Variants in CSNK2A2IP observed in about 807,000 individuals in gnomAD.
CSNK2A2IP encodes casein kinase 2 subunit alpha' interacting protein.
the CSNK2A2IP span, among the ~76,000 whole-genome samples, chr3:88,446,082 CTT>C: frequency 2.0e-5 from 2 of 98,984 alleles, no homozygotes; most frequent in Non-Finnish European, 4.4e-5. Flanking sequence ...TTCTTTCTTT[CTT>C]TCTTTCTTTC....
chr3:88,403,189 T>C, the CSNK2A2IP span, among the ~76,000 whole-genome samples: 1 of 152,102 alleles, frequency 6.6e-6, no homozygotes, highest in South Asian at 2.1e-4. Context: ...GGCCATCATT[T>C]TGGTGATCCA....
the CSNK2A2IP span, among the ~76,000 whole-genome samples, chr3:88,405,710 G>A: frequency 3.3e-5 from 5 of 152,168 alleles, no homozygotes; most frequent in East Asian, 3.9e-4. Context: ...TGAGCATGTC[G>A]TATATTTCCT....
At chr3:88,339,404 A>G in the CSNK2A2IP span, among the ~76,000 whole-genome samples, 1 of 152,086 alleles carries the variant, frequency 6.6e-6, no homozygotes, top group Non-Finnish European at 1.5e-5. Context: ...ATAACATTCC[A>G]TTGTGTATAT....
chr3:88,467,056 A>T, the CSNK2A2IP span: 1 of 972,922 alleles, frequency 1.0e-6, no homozygotes, highest in East Asian at 3.3e-5. Context: ...TGAACGGGAT[A>T]TCCAGGGACT....
the CSNK2A2IP span, among the ~76,000 whole-genome samples, chr3:88,446,030 T>TTTTCTCTTTC: frequency 2.9e-3 from 169 of 58,172 alleles, 9 homozygotes; most frequent in Middle Eastern, 7.9e-3. Flanking sequence ...TCTTTGTTTC[T>TTTTCTCTTTC]TTTCTTTCTT....
chr3:88,446,102 T>C, the CSNK2A2IP span, among the ~76,000 whole-genome samples: 2,791 of 115,900 alleles, frequency 0.024, 32 homozygotes, highest in Middle Eastern at 0.032. Flanking sequence ...TTCTTTCTTT[T>C]TTTCTTTCTT....
the CSNK2A2IP span, among the ~76,000 whole-genome samples, chr3:88,379,413 A>G: frequency 1.3e-5 from 2 of 152,102 alleles, no homozygotes; most frequent in African/African-American, 2.4e-5. Context: ...TATTTTCTAC[A>G]GGCATTCTCT....
chr3:88,439,085 A>G, the CSNK2A2IP span, among the ~76,000 whole-genome samples: 7 of 152,150 alleles, frequency 4.6e-5, no homozygotes, highest in African/African-American at 1.7e-4. Context: ...GAGATATGAC[A>G]TCTTTTCCAT....
the CSNK2A2IP span, among the ~76,000 whole-genome samples, chr3:88,444,486 A>G: frequency 6.6e-6 from 1 of 152,220 alleles, no homozygotes; most frequent in Non-Finnish European, 1.5e-5. Flanking sequence ...AAGAAAACTA[A>G]TATCCTGCAT....
At chr3:88,410,595 C>T in the CSNK2A2IP span, among the ~76,000 whole-genome samples, 3 of 152,026 alleles carry the variant, frequency 2.0e-5, no homozygotes, top group African/African-American at 7.3e-5. Context: ...ATCTTTAAAA[C>T]TTGTCTTTTC....
At chr3:88,366,463 A>C in the CSNK2A2IP span, among the ~76,000 whole-genome samples, 1 of 152,168 alleles carries the variant, frequency 6.6e-6, no homozygotes, top group Non-Finnish European at 1.5e-5. Context: ...TGAAATTTTC[A>C]TGTCAACAAA....
At chr3:88,418,605 C>A in the CSNK2A2IP span, among the ~76,000 whole-genome samples, 1 of 152,094 alleles carries the variant, frequency 6.6e-6, no homozygotes. Context: ...AAAAGTAAAA[C>A]CCTTTCATTA....
chr3:88,444,803 A>C, the CSNK2A2IP span, among the ~76,000 whole-genome samples: 2 of 152,200 alleles, frequency 1.3e-5, no homozygotes, highest in African/African-American at 2.4e-5. Context: ...TATATAAGCA[A>C]AATATCTTGA....
chr3:88,340,304 G>A, the CSNK2A2IP span, among the ~76,000 whole-genome samples: 3 of 152,036 alleles, frequency 2.0e-5, no homozygotes, highest in East Asian at 5.8e-4. Context: ...CTCCAAGAAG[G>A]AATGTACTTG....
At chr3:88,459,872 A>G in the CSNK2A2IP span, among the ~76,000 whole-genome samples, 1 of 152,060 alleles carries the variant, frequency 6.6e-6, no homozygotes, top group Non-Finnish European at 1.5e-5. Flanking sequence ...TTTTTTTAAG[A>G]TCAACTTGGG....
chr3:88,435,421 A>G, the CSNK2A2IP span, among the ~76,000 whole-genome samples: 1 of 152,180 alleles, frequency 6.6e-6, no homozygotes, highest in Non-Finnish European at 1.5e-5. Flanking sequence ...GCACAAGAAG[A>G]AAATGGTCTC....
chr3:88,339,284 C>G, the CSNK2A2IP span, among the ~76,000 whole-genome samples: 1 of 151,846 alleles, frequency 6.6e-6, no homozygotes, highest in Admixed American at 6.6e-5. Flanking sequence ...TTTTAGCTCC[C>G]ATATTTGTGT....
the CSNK2A2IP span, among the ~76,000 whole-genome samples, chr3:88,429,929 T>C: frequency 6.6e-6 from 1 of 151,704 alleles, no homozygotes; most frequent in South Asian, 2.1e-4. Flanking sequence ...ATTTTTTTTT[T>C]TTTTTGTATT....
At chr3:88,375,461 G>A in the CSNK2A2IP span, among the ~76,000 whole-genome samples, 1 of 151,732 alleles carries the variant, frequency 6.6e-6, no homozygotes, top group Non-Finnish European at 1.5e-5. Flanking sequence ...CTGGTTGTGA[G>A]CACTTGTGAA....
Sources: allele counts gnomAD v4.1 joint callset (sites outside exome capture counted in the v4.1 genomes callset), GRCh38; gene constraint gnomAD v4.1.1; transcripts MANE v1.5; gene names NCBI Gene and HGNC (gene_info 2026-07-23, HGNC 2026-07-21).